Variants in SSBP2 observed in about 807,000 individuals in gnomAD.
SSBP2 encodes single stranded DNA binding protein 2.
Under a neutral mutation model 61.8 loss-of-function variants are expected in SSBP2, and 17 were observed. That is an observed-to-expected ratio of 0.28 (90% CI 0.19 to 0.41). The LOEUF (loss-of-function observed/expected upper bound fraction) is 0.41, where lower values mean the gene tolerates loss of function less well. Ranked by LOEUF, SSBP2 falls within the 10% of genes least tolerant of loss-of-function variation. SSBP2 has a pLI of 1.00. For missense variants in SSBP2, 310 were observed against 458.7 expected, an observed-to-expected ratio of 0.68 and a Z score of 2.96; for synonymous variants, 139 against 141.3, an observed-to-expected ratio of 0.98 and a Z score of 0.12.
chr5:81,473,199 T>C (rs930167823), intron 8 of SSBP2, among the ~76,000 whole-genome samples: 1 of 152,206 alleles, frequency 6.6e-6, no homozygotes, highest in African/African-American at 2.4e-5. Context: ...AAGCTCAGCA[T>C]CTAGGTTTCT....
At chr5:81,690,383 G>C (rs1753112856) in intron 1 of SSBP2, among the ~76,000 whole-genome samples, 1 of 152,030 alleles carries the variant, frequency 6.6e-6, no homozygotes, top group Non-Finnish European at 1.5e-5. Flanking sequence ...AAGACACAAA[G>C]ACTGAAAATA....
At chr5:81,553,193 G>C (rs28465130) in intron 4 of SSBP2, among the ~76,000 whole-genome samples, 14,849 of 152,180 alleles carry the variant, frequency 0.098, 839 homozygotes, top group African/African-American at 0.13. Context: ...AGGTTAAGTA[G>C]AGCCAACACG....
chr5:81,646,841 C>T (rs1749318225), intron 2 of SSBP2, among the ~76,000 whole-genome samples: 1 of 151,838 alleles, frequency 6.6e-6, no homozygotes, highest in Admixed American at 6.6e-5. Flanking sequence ...CCTGGGAAAA[C>T]CGTTCTAGGA....
chr5:81,668,536 T>G (rs1364444113), intron 1 of SSBP2, among the ~76,000 whole-genome samples: 3 of 151,752 alleles, frequency 2.0e-5, no homozygotes, highest in African/African-American at 7.3e-5. Flanking sequence ...CATGTTAAAC[T>G]CATGTTTTAA....
intron 16 of SSBP2, among the ~76,000 whole-genome samples, chr5:81,427,579 A>G (rs1428053565): frequency 6.6e-6 from 1 of 152,174 alleles, no homozygotes; most frequent in Non-Finnish European, 1.5e-5. Flanking sequence ...CAGTGCTTCA[A>G]ATTCTGATGG....
chr5:81,442,734 A>G lies in SSBP2; in HGVS notation c.779-11T>C. 1 of 1,405,242 alleles carries G rather than the reference A, an allele frequency of 7.1e-7. No individual in the cohort carries two copies. Among genetic ancestry groups the G allele is most frequent in the Non-Finnish European group, 9.9e-7 (1 of 1,014,012 alleles). 87.0% of individuals were successfully genotyped at this position (1,405,242 alleles called of 1,614,324 possible). ...CAGAGTTGGTTGAATCTGAAACAAA[A>G]TATTACTTAATTAAAATATTTCTTT... On this transcript the variant is annotated splice_polypyrimidine_tract_variant and intron_variant, in intron 12 of 16. Transcript: ENST00000320672.
Position 81,736,444 on chromosome 5 carries a change from T to C in SSBP2, c.62+14537A>G, listed in dbSNP as rs1170304141. On this transcript the variant is annotated intron_variant, in intron 1 of 16. Transcript: ENST00000320672. ...GGAGGTATTTATTGGAACTTGGAAA[T>C]TGATATATGCTCACAAATGTTATCT... 5.3e-5 allele frequency among the ~76,000 whole-genome samples: 8 copies of C among 152,198 alleles called. No homozygotes were observed. In the South Asian group the frequency reaches 1.0e-3, roughly 20 times the overall value.
intron 3 of SSBP2, among the ~76,000 whole-genome samples, chr5:81,625,832 C>G (rs1482294276): frequency 6.6e-6 from 1 of 152,136 alleles, no homozygotes; most frequent in Non-Finnish European, 1.5e-5. Flanking sequence ...AGATGGAATG[C>G]TAACATAATT....
intron 16 of SSBP2, among the ~76,000 whole-genome samples, chr5:81,426,335 C>T (rs1432787186): frequency 6.6e-6 from 1 of 152,238 alleles, no homozygotes; most frequent in African/African-American, 2.4e-5. Context: ...CCAGTGTGTA[C>T]CTGCTTCCAA....
chr5:81,599,188 C>A (rs990935190), intron 4 of SSBP2, among the ~76,000 whole-genome samples: 3 of 152,092 alleles, frequency 2.0e-5, no homozygotes, highest in Non-Finnish European at 2.9e-5. Flanking sequence ...GAATACTCAA[C>A]CTCTTTTTTT....
intron 1 of SSBP2, among the ~76,000 whole-genome samples, chr5:81,748,409 A>T (rs1364100259): frequency 6.6e-6 from 1 of 152,214 alleles, no homozygotes; most frequent in Non-Finnish European, 1.5e-5. Flanking sequence ...CTACCTTCAG[A>T]TGTTAGTACA....
intron 1 of SSBP2, among the ~76,000 whole-genome samples, chr5:81,724,782 G>A (rs1014963810): frequency 6.6e-6 from 1 of 152,032 alleles, no homozygotes; most frequent in Non-Finnish European, 1.5e-5. Flanking sequence ...TACATGTTGT[G>A]ACGTGATGAT....
At chr5:81,491,742 T>C (rs1766869017) in intron 5 of SSBP2, among the ~76,000 whole-genome samples, 1 of 152,182 alleles carries the variant, frequency 6.6e-6, no homozygotes, top group Non-Finnish European at 1.5e-5. Flanking sequence ...AAACCACTTA[T>C]AAACTCTAAT....
At chr5:81,567,880 T>C (rs1188899537) in intron 4 of SSBP2, among the ~76,000 whole-genome samples, 1 of 152,198 alleles carries the variant, frequency 6.6e-6, no homozygotes, top group Non-Finnish European at 1.5e-5. Context: ...CCCCTTTGTT[T>C]TGGCCAATTT....
Position 81,446,881 on chromosome 5 carries a change from C to T in SSBP2, c.765G>A (p.Met255Ile). ...TGATTACAATACCTGCTGGACTAGGCATGATGGGTGTTCCTGGTGGCCCTC... is the reference window on the plus strand; with the variant it reads ...TGATTACAATACCTGCTGGACTAGGTATGATGGGTGTTCCTGGTGGCCCTC... The change falls in exon 12 of 17, where the codon ATG becomes ATA. Residue 255 changes from methionine (M) to isoleucine (I), a missense_variant. Physicochemically the swap from Met to Ile is conservative, Grantham distance 10. This residue lies in a region of SSBP2 where 209 missense variants were observed against 286.4 expected (regional missense o/e 0.73). Coordinates refer to ENST00000320672, the MANE Select transcript of SSBP2 (RefSeq NM_012446.5). 1 of 1,608,666 alleles carries T rather than the reference C, an allele frequency of 6.2e-7. No individual in the cohort carries two copies. Among genetic ancestry groups the T allele is most frequent in the Non-Finnish European group, 8.5e-7 (1 of 1,177,862 alleles).
chr5:81,583,473 CA>C (rs971390421), intron 4 of SSBP2, among the ~76,000 whole-genome samples: 5 of 151,334 alleles, frequency 3.3e-5, no homozygotes, highest in East Asian at 3.9e-4. Flanking sequence ...ACTAAAAATG[CA>C]AAAAAATTAG....
In SSBP2 at chr5:81,474,504, C is replaced by T. The variant is rs751774825; in HGVS notation, c.491G>A (p.Arg164Gln). ...TACTTTAGAGTAGTCACCTTGTTGTCGAGTTGGATCCATTCCACTGGGGAG... is the reference window on the plus strand; with the variant it reads ...TACTTTAGAGTAGTCACCTTGTTGTTGAGTTGGATCCATTCCACTGGGGAG... The change falls in exon 7 of 17, where the codon CGA becomes CAA. Residue 164 changes from arginine to glutamine, a missense_variant. Around this residue, in one of 4 missense-constraint regions of SSBP2, gnomAD observed 209 missense variants for 286.4 expected, o/e 0.73. Transcript: ENST00000320672. 3.1e-6 allele frequency: 5 copies of T among 1,612,162 alleles called. No individual in the cohort carries two copies. The highest frequency in any genetic ancestry group is 4.2e-6 in the Non-Finnish European group (5 of 1,178,810).
At chr5:81,750,862 C>T in intron 1 of SSBP2, 119 bp downstream of exon 1, 1 of 1,154,706 alleles carries the variant, frequency 8.7e-7, no homozygotes, top group Non-Finnish European at 1.2e-6. Context: ...CCTCCCCCTG[C>T]CAGCCCACCC....
At chr5:81,636,524 C>T (rs899875003) in intron 3 of SSBP2, 33 bp downstream of exon 3, 1 of 1,551,604 alleles carries the variant, frequency 6.4e-7, no homozygotes. Context: ...AATGCATCAT[C>T]AAGCCAGTAA....
Sources: allele counts gnomAD v4.1 joint callset (sites outside exome capture counted in the v4.1 genomes callset), GRCh38; gene constraint gnomAD v4.1.1; regional missense constraint gnomAD v4.1.1; transcripts MANE v1.5; gene names NCBI Gene and HGNC (gene_info 2026-07-23, HGNC 2026-07-21).